The following HPS1 variants were observed in gnomAD, a reference collection of about 807,000 sequenced individuals.
The protein encoded by HPS1 is HPS1 biogenesis of lysosomal organelles complex 3 subunit 1.
HPS1 carries 59 observed loss-of-function variants against 90.6 expected under a neutral mutation model. The ratio of observed to expected loss-of-function variants is 0.65; its 90% CI spans 0.53 to 0.81. HPS1 has a LOEUF of 0.81. Ranked by LOEUF, HPS1 falls within the 30% of genes least tolerant of loss-of-function variation. The pLI is 0.00. For missense variants in HPS1, 849 were observed against 896.7 expected, an observed-to-expected ratio of 0.95 and a Z score of 0.68; for synonymous variants, 388 against 384.4, an observed-to-expected ratio of 1.01 and a Z score of -0.11.
chr10:98,435,838 A>C lies in HPS1; in HGVS notation c.118-66T>G. The C allele has an allele frequency of 6.2e-7, 1 of 1,603,062 alleles. No individual in the cohort carries two copies. The highest frequency in any genetic ancestry group is 2.2e-5 in the East Asian group (1 of 44,774). On this transcript the variant is annotated intron_variant, in intron 3 of 19. Transcript: ENST00000361490. This position sits in a 1 kb window ranked among gnomAD's most constrained non-coding sequence, Gnocchi z 4.3. ...AGACACCAAGAACTAAGGAAGGGAC[A>C]AGATCAGGCCTTGATATCAAGGGTT...
At chr10:98,428,697 C>CT (rs11435125) in intron 10 of HPS1, among the ~76,000 whole-genome samples, 40,921 of 128,116 alleles carry the variant, frequency 0.32, 7,210 homozygotes, top group African/African-American at 0.46. Context: ...CCACAGGACC[C>CT]TTTTTTTTTT....
In HPS1 at chr10:98,435,210, C is replaced by A. The variant is rs550612426; in HGVS notation, c.398+62G>T. The A allele has an allele frequency of 1.2e-6, 2 of 1,605,704 alleles. No homozygotes were observed. The highest frequency in any genetic ancestry group is 1.7e-6 in the Non-Finnish European group (2 of 1,173,904). On this transcript the variant is annotated intron_variant, in intron 5 of 19. Transcript: ENST00000361490. The surrounding 1 kb of genome is among the most constrained non-coding windows in gnomAD (Gnocchi z 4.3). The stretch of plus-strand genomic sequence containing the variant: ...GGCAGCTTCACAGGGGCTGGGCACA[C>A]GCTGCCTGGCCCAGCGAGGGTGCTC...
At chr10:98,429,168 T>A (rs76307331) in intron 10 of HPS1, 184 of 1,044,116 alleles carry the variant, frequency 1.8e-4, no homozygotes, top group Middle Eastern at 4.5e-4. Flanking sequence ...AGTTTTTTTT[T>A]ATTGTTTACC....
At chr10:98,418,731 G>T (rs1186470751) in intron 18 of HPS1, among the ~76,000 whole-genome samples, 2 of 152,224 alleles carry the variant, frequency 1.3e-5, no homozygotes, top group East Asian at 3.9e-4. Context: ...CTGCCCTGCA[G>T]GGGGAGTGGA....
rs1219555737 is a variant in HPS1, at chr10:98,434,004, C to T, written c.486G>A (p.Gln162=). 3 of 1,559,110 alleles carry T rather than the reference C, an allele frequency of 1.9e-6. No individual in the cohort carries two copies. Among genetic ancestry groups the T allele is most frequent in the Admixed American group, 3.9e-5 (2 of 51,934 alleles). Residue 162 remains glutamine, a synonymous_variant, in exon 6 of 20, where the codon CAG becomes CAA. Transcript: ENST00000361490. The part of the protein sequence containing the change: ...LLWTYSRLRE[Q]EQCFAVEALE... Reference sequence around the variant, plus strand: ...TCACCTCCACGGCGAAGCACTGCTCCTGCTCCCGCAGGCGGCTGTAGGTCC... The same window carrying T: ...TCACCTCCACGGCGAAGCACTGCTCTTGCTCCCGCAGGCGGCTGTAGGTCC...
rs1159997810 is a variant in HPS1, at chr10:98,435,176, G to A, written c.398+96C>T. 7 of 1,494,876 alleles carry A rather than the reference G, an allele frequency of 4.7e-6. No individual in the cohort carries two copies. Among genetic ancestry groups the A allele is most frequent in the Non-Finnish European group, 6.5e-6 (7 of 1,075,058 alleles). 92.6% of individuals were successfully genotyped at this position (1,494,876 alleles called of 1,614,324 possible). On this transcript the variant is annotated intron_variant, in intron 5 of 19. Transcript: ENST00000361490. The surrounding 1 kb of genome is among the most constrained non-coding windows in gnomAD (Gnocchi z 4.3). ...CTAGGGACCCAGCTGGGGGCAGTAT[G>A]TGAAAAATGGCAGCTTCACAGGGGC...
Position 98,431,226 on chromosome 10 carries a change from G to A in HPS1, c.573C>T (p.Val191=). 1 of 1,614,092 alleles carries A rather than the reference G, an allele frequency of 6.2e-7. No homozygotes were observed. ...ELCIEALERH[V]IQAVNTSPER... ...CGGGGCTGGTGTTGACAGCCTGGAT[G>A]ACGTGCCGCTCCAGCGCCTCTATGC... Residue 191 remains valine (V), a synonymous_variant, in exon 7 of 20, where the codon GTC becomes GTT. Transcript: ENST00000361490.
chr10:98,415,296 C>T, downstream of HPS1: 1 of 987,090 alleles, frequency 1.0e-6, no homozygotes, highest in Non-Finnish European at 1.4e-6. Flanking sequence ...AGGCCAGCCT[C>T]CTGCTGCCCT....
At chr10:98,427,304 T>A (rs1845744665) in intron 10 of HPS1, 40 bp from the exon 11 acceptor site, 1 of 1,511,998 alleles carries the variant, frequency 6.6e-7, no homozygotes, top group East Asian at 2.5e-5. Context: ...GTAAGTACCA[T>A]GAGATGTAAG....
intron 3 of HPS1, 140 bp downstream of exon 3, chr10:98,442,984 G>A: frequency 1.3e-6 from 1 of 771,562 alleles, no homozygotes; most frequent in Non-Finnish European, 2.4e-6. Context: ...TAGGTGTGAA[G>A]GATGCTGGAC....
intron 11 of HPS1, among the ~76,000 whole-genome samples, chr10:98,426,698 C>T (rs1463884023): frequency 2.0e-5 from 3 of 151,604 alleles, no homozygotes; most frequent in Non-Finnish European, 2.9e-5. Flanking sequence ...TAATGAAACA[C>T]GTTAGTATCC....
At chr10:98,434,602 T>C (rs558844540) in intron 5 of HPS1, among the ~76,000 whole-genome samples, 24 of 152,006 alleles carry the variant, frequency 1.6e-4, no homozygotes, top group African/African-American at 5.3e-4. Context: ...AATGCCTCAA[T>C]ATGGGTAGTT....
In HPS1 at chr10:98,429,626, G is replaced by T; in HGVS notation, c.884C>A (p.Ser295Tyr). Residue 295 changes from serine (S) to tyrosine (Y), a missense_variant, in exon 10 of 20, where the codon TCC becomes TAC. By Grantham distance (144) the Ser-to-Tyr change is moderately radical. Transcript: ENST00000361490. ...SSAETETDSF[S>Y]LPEEYFTPAP... ...TGGTGTGAAGTACTCCTCAGGGAGG[G>T]AGAAGCTGTCTGTCTCCTGGAATGG... is the stretch of plus-strand genomic sequence containing the variant. The T allele has an allele frequency of 6.2e-7, 1 of 1,614,226 alleles. No homozygotes were observed. Among genetic ancestry groups the T allele is most frequent in the Non-Finnish European group, 8.5e-7 (1 of 1,180,038 alleles).
chr10:98,423,279 A>ACCCCCCCCCCCCCGCC (rs10636671), intron 16 of HPS1, among the ~76,000 whole-genome samples: 1 of 132,070 alleles, frequency 7.6e-6, no homozygotes, highest in African/African-American at 3.0e-5. Context: ...GACCACAGGA[A>ACCCCCCCCCCCCCGCC]CCCCCCCCCC....
chr10:98,430,437 C>T (rs560038237), intron 8 of HPS1, 134 bp downstream of exon 8: 42 of 730,894 alleles, frequency 5.7e-5, no homozygotes, highest in South Asian at 3.1e-4. Flanking sequence ...AAAGAAGTCA[C>T]GCCCAACCAC....
downstream of HPS1, chr10:98,414,930 C>T (rs1026635377): frequency 3.9e-6 from 6 of 1,546,490 alleles, no homozygotes; most frequent in Non-Finnish European, 5.3e-6. Context: ...CTTGGCTCCC[C>T]CTCCCCCTCC....
At position 98,445,058 on chromosome 10, in the gene HPS1, G is replaced by A. The variant is rs1439851346; in HGVS notation, c.-1+242C>T. 6.6e-6 allele frequency among the ~76,000 whole-genome samples: 1 copy of A among 152,202 alleles called. No homozygotes were observed. Among genetic ancestry groups the A allele is most frequent in the Non-Finnish European group, 1.5e-5 (1 of 68,038 alleles). On this transcript the variant is annotated intron_variant, in intron 2 of 19. Coordinates refer to ENST00000361490, the MANE Select transcript of HPS1 (RefSeq NM_000195.5). This position sits in a 1 kb window ranked among gnomAD's most constrained non-coding sequence, Gnocchi z 4.5. ...AATGAGTGCTCACCCCTTGGTGGGG[G>A]CTGGGAGGAGCTTTAAAGATGCAGC...
At chr10:98,414,170 C>T (rs766138001), downstream of HPS1, 2 of 152,046 alleles carry the variant, frequency 1.3e-5, no homozygotes, top group African/African-American at 4.8e-5. Flanking sequence ...TCTACCAGCT[C>T]GCAACTGCTC....
downstream of HPS1, chr10:98,414,935 C>A: frequency 6.4e-7 from 1 of 1,557,732 alleles, no homozygotes; most frequent in South Asian, 1.2e-5. Flanking sequence ...CTCCCCCTCC[C>A]CCTCCCCACC....
Sources: gnomAD v4.1 joint callset for allele counts (sites outside exome capture counted in the v4.1 genomes callset) on GRCh38, gnomAD v4.1.1 for gene constraint, Gnocchi (gnomAD v3.1) non-coding constraint, MANE v1.5 for transcripts, NCBI Gene and HGNC (gene_info 2026-07-23, HGNC 2026-07-21) for gene names.